EBF4: variants seen among roughly 807,000 people sequenced by gnomAD.
The protein encoded by EBF4 is EBF transcription factor 4.
A neutral mutation model predicts 67.1 loss-of-function variants in EBF4; 34 were observed. The observed-to-expected ratio is 0.51, with a 90% confidence interval of 0.39 to 0.67. EBF4 has a LOEUF of 0.67. EBF4 is among the 30% of genes least tolerant of loss of function. EBF4 has a pLI of 0.00. For missense variants in EBF4, 837 were observed against 873.3 expected, an observed-to-expected ratio of 0.96 and a Z score of 0.52; for synonymous variants, 387 against 377.7, an observed-to-expected ratio of 1.02 and a Z score of -0.29.
intron 6 of EBF4, among the ~76,000 whole-genome samples, chr20:2,721,246 C>CTTTTTTTTTTTTTT (rs146844927): frequency 3.7e-5 from 4 of 108,120 alleles, no homozygotes; most frequent in Non-Finnish European, 5.7e-5. Context: ...TGATTCTCTT[C>CTTTTTTTTTTTTTT]TTTTTTTTTT....
chr20:2,722,323 T>G (rs2087691924), intron 6 of EBF4, among the ~76,000 whole-genome samples: 1 of 140,082 alleles, frequency 7.1e-6, no homozygotes, highest in Non-Finnish European at 1.5e-5. Flanking sequence ...TTACGAGGTG[T>G]TTTTTTTTTT....
intron 6 of EBF4, among the ~76,000 whole-genome samples, chr20:2,711,334 A>G (rs2087542556): frequency 6.6e-6 from 1 of 152,150 alleles, no homozygotes; most frequent in African/African-American, 2.4e-5. Context: ...TGGGTATGCC[A>G]TAATTTATTT....
At chr20:2,713,447 C>T (rs1306080963) in intron 6 of EBF4, among the ~76,000 whole-genome samples, 2 of 152,016 alleles carry the variant, frequency 1.3e-5, no homozygotes, top group Non-Finnish European at 2.9e-5. Context: ...CACTAGAGGG[C>T]GTGATATAGT....
At chr20:2,720,213 C>T (rs1208533542) in intron 6 of EBF4, among the ~76,000 whole-genome samples, 7 of 152,216 alleles carry the variant, frequency 4.6e-5, no homozygotes, top group Admixed American at 4.6e-4. Flanking sequence ...TTTCCTGCCT[C>T]AGCCTCCCAA....
intron 6 of EBF4, among the ~76,000 whole-genome samples, chr20:2,712,877 G>A (rs1349093195): frequency 6.6e-6 from 1 of 152,152 alleles, no homozygotes; most frequent in African/African-American, 2.4e-5. Context: ...TGCTGCTCAT[G>A]GGTATGATAA....
intron 15 of EBF4, among the ~76,000 whole-genome samples, chr20:2,758,218 C>G (rs1455679306): frequency 1.3e-5 from 2 of 152,216 alleles, no homozygotes; most frequent in Non-Finnish European, 2.9e-5. Context: ...AAGTGAACAT[C>G]CATCCAACCG....
chr20:2,722,440 C>T (rs373774659), intron 6 of EBF4, among the ~76,000 whole-genome samples: 234 of 152,148 alleles, frequency 1.5e-3, no homozygotes, highest in African/African-American at 5.4e-3. Context: ...AGATAGTTTT[C>T]TCACATGCAT....
chr20:2,752,249 CG>C lies in EBF4; in HGVS notation c.1341del (p.Glu449SerfsTer98). 5 of 1,287,130 alleles carry C rather than the reference CG, an allele frequency of 3.9e-6. No individual in the cohort carries two copies. The highest frequency in any genetic ancestry group is 2.5e-5 in the South Asian group (1 of 40,524). 79.7% of individuals were successfully genotyped at this position (1,287,130 alleles called of 1,614,324 possible). A position where few individuals can be genotyped will look rare whatever the true frequency, so the allele number is the denominator to read the frequency against. ...GCCATCGCCGTCGGGGACGCCACCCCGGGGCCCGAGCCGGGTGCGTGGGCCG... is the reference window on the plus strand; with the variant it reads ...GCCATCGCCGTCGGGGACGCCACCCCGGGCCCGAGCCGGGTGCGTGGGCCG... On this transcript the variant is annotated frameshift_variant, in exon 13 of 17. Transcript: ENST00000609451. LOFTEE classifies it high-confidence loss of function.
intron 14 of EBF4, among the ~76,000 whole-genome samples, chr20:2,753,958 G>A (rs1781107200): frequency 1.0e-4 from 1 of 9,716 alleles, no homozygotes; most frequent in African/African-American, 5.5e-4. Context: ...CTCTCTGTGG[G>A]CACCCCCTTG....
intron 6 of EBF4, among the ~76,000 whole-genome samples, chr20:2,730,505 T>C (rs952470766): frequency 6.6e-6 from 1 of 152,124 alleles, no homozygotes; most frequent in African/African-American, 2.4e-5. Context: ...TCACAGGTTC[T>C]GGGATGTAGA....
rs563543801 is a variant in EBF4 at position 2,750,066 on chromosome 20, C to G, written c.1018+93C>G. The G allele has an allele frequency of 4.1e-5, 60 of 1,457,268 alleles. No individual in the cohort carries two copies. In the East Asian group the frequency reaches 1.5e-3, roughly 35 times the overall value. 90.3% of individuals were successfully genotyped at this position (1,457,268 alleles called of 1,614,324 possible). A position where few individuals can be genotyped will look rare whatever the true frequency, so the allele number is the denominator to read the frequency against. On this transcript the variant is annotated intron_variant, in intron 10 of 16. Transcript: ENST00000609451. The stretch of plus-strand genomic sequence containing the variant: ...TCCGTTCTTGGTGATAGGAGTTAGC[C>G]GAGCTCTACGCTGTGGCCACGACCC...
intron 6 of EBF4, among the ~76,000 whole-genome samples, chr20:2,719,909 A>C (rs2087657925): frequency 6.6e-6 from 1 of 152,196 alleles, no homozygotes; most frequent in African/African-American, 2.4e-5. Flanking sequence ...AGGTCAAGTT[A>C]ATTGATAGTG....
At chr20:2,741,034 G>C (rs2087959581) in intron 6 of EBF4, among the ~76,000 whole-genome samples, 1 of 152,180 alleles carries the variant, frequency 6.6e-6, no homozygotes, top group African/African-American at 2.4e-5. Context: ...CTCCAGGCCA[G>C]GCATGGTGGC....
In EBF4 at chr20:2,750,472, G is replaced by GAACAC. The variant is rs1296031030; in HGVS notation, c.1018+501_1018+505dup. 3.9e-5 allele frequency among the ~76,000 whole-genome samples: 6 copies of GAACAC among 152,234 alleles called. No individual in the cohort carries two copies. The East Asian group carries it at 1.2e-3, about 29-fold the overall frequency. On this transcript the variant is annotated intron_variant, in intron 10 of 16. Coordinates refer to ENST00000609451, the Ensembl canonical transcript of EBF4. Reference sequence around the variant, plus strand: ...CTTGCACGACGCCAGGGCGAGCAGTGAACACACGTGGAGAGGCAGTGTAGA... The same window carrying GAACAC: ...CTTGCACGACGCCAGGGCGAGCAGTGAACACAACACACGTGGAGAGGCAGTGTAGA...
intron 6 of EBF4, among the ~76,000 whole-genome samples, chr20:2,721,115 T>TTTTCATTCAA (rs2087673665): frequency 1.3e-5 from 2 of 152,124 alleles, no homozygotes; most frequent in Non-Finnish European, 2.9e-5. Context: ...GAGTTTACAG[T>TTTTCATTCAA]TTTCATTCAA....
intron 2 of EBF4, 104 bp from the exon 3 acceptor site, chr20:2,705,870 G>A: frequency 2.7e-6 from 4 of 1,491,926 alleles, no homozygotes; most frequent in South Asian, 1.3e-5. Flanking sequence ...AGCTGGCTGA[G>A]TGGCTGGAAG....
chr20:2,695,270 A>G (rs6051241), intron 1 of EBF4, among the ~76,000 whole-genome samples: 12,065 of 151,948 alleles, frequency 0.079, 1,583 homozygotes, highest in African/African-American at 0.27. Flanking sequence ...TTTCTCTGCA[A>G]CCTTTCCCTC....
intron 1 of EBF4, among the ~76,000 whole-genome samples, chr20:2,701,160 G>A (rs776084493): frequency 5.9e-5 from 9 of 152,214 alleles, no homozygotes; most frequent in Non-Finnish European, 1.0e-4. Context: ...CCATGGGTGG[G>A]TGTGAGCCTG....
chr20:2,751,219 C>T lies in EBF4; in HGVS notation c.1019-481C>T, dbSNP rs1170884352. Reference sequence around the variant, plus strand: ...CCCAAGCCACCCACTTCTCCAGTTGCTTCCCTGGGGTGCATGCAAACCTCT... The same window carrying T: ...CCCAAGCCACCCACTTCTCCAGTTGTTTCCCTGGGGTGCATGCAAACCTCT... On this transcript the variant is annotated intron_variant, in intron 10 of 16. Transcript: ENST00000609451. This position sits in a 1 kb window ranked among gnomAD's most constrained non-coding sequence, Gnocchi z 5.2. Among the ~76,000 whole-genome samples the T allele has an allele frequency of 6.6e-6, 1 of 152,210 alleles. No homozygotes were observed. Among genetic ancestry groups the T allele is most frequent in the Non-Finnish European group, 1.5e-5 (1 of 68,040 alleles).
Sources: allele counts gnomAD v4.1 joint callset (sites outside exome capture counted in the v4.1 genomes callset), GRCh38; gene constraint gnomAD v4.1.1; non-coding constraint Gnocchi (gnomAD v3.1); transcripts MANE v1.5; gene names NCBI Gene and HGNC (gene_info 2026-07-23, HGNC 2026-07-21).